The following ITGA1 variants were observed in gnomAD, a reference collection of about 807,000 sequenced individuals.
The protein encoded by ITGA1 is integrin alpha-1.
In ITGA1, 85 loss-of-function variants were observed where a neutral mutation model predicts 145.9. The observed-to-expected ratio is 0.58, with a 90% CI of 0.49 to 0.70. The LOEUF (loss-of-function observed/expected upper bound fraction) is 0.70. ITGA1 is among the 30% of genes least tolerant of loss of function. ITGA1 has a pLI of 0.00. For synonymous variants in ITGA1, 520 were observed against 495.3 expected (o/e 1.05, Z -0.66); for missense variants, 1,351 against 1,418.7 (o/e 0.95, Z 0.77).
chr5:52,829,486 C>T (rs1369897373), intron 1 of ITGA1, among the ~76,000 whole-genome samples: 6 of 152,064 alleles, frequency 3.9e-5, no homozygotes, highest in East Asian at 1.9e-4. Context: ...AAAAAATTCA[C>T]GGGATGCTCA....
chr5:52,917,039 G>A (rs1579719134), intron 15 of ITGA1, among the ~76,000 whole-genome samples: 1 of 152,146 alleles, frequency 6.6e-6, no homozygotes, highest in Non-Finnish European at 1.5e-5. Context: ...ACTGGGACAC[G>A]AAGACTAAGA....
At chr5:52,854,373 G>A (rs985884165) in intron 2 of ITGA1, among the ~76,000 whole-genome samples, 1 of 152,102 alleles carries the variant, frequency 6.6e-6, no homozygotes, top group Admixed American at 6.6e-5. Context: ...ATTTTACATT[G>A]CTTCTAACGC....
At chr5:52,925,207 C>T in intron 18 of ITGA1, 71 bp from the exon 19 acceptor site, 1 of 1,187,762 alleles carries the variant, frequency 8.4e-7, no homozygotes, top group Non-Finnish European at 1.2e-6. Flanking sequence ...ATTTTTGTTA[C>T]ACAAATTGAT....
chr5:52,926,481 A>G (rs1750812441), intron 19 of ITGA1, among the ~76,000 whole-genome samples: 1 of 143,560 alleles, frequency 7.0e-6, no homozygotes, highest in African/African-American at 2.7e-5. Flanking sequence ...ACACACCTGT[A>G]GTCCCAGCTA....
chr5:52,929,998 TA>T (rs1561252644), intron 21 of ITGA1, among the ~76,000 whole-genome samples: 1 of 152,182 alleles, frequency 6.6e-6, no homozygotes, highest in Non-Finnish European at 1.5e-5. Flanking sequence ...TTTAAATTCA[TA>T]AAAAATTTAC....
intron 26 of ITGA1, among the ~76,000 whole-genome samples, chr5:52,941,016 G>T (rs936849174): frequency 2.0e-5 from 3 of 152,098 alleles, no homozygotes; most frequent in African/African-American, 7.2e-5. Flanking sequence ...TCACTTATAC[G>T]TGAGAACATG....
chr5:52,809,384 G>T (rs1307774017), intron 1 of ITGA1, among the ~76,000 whole-genome samples: 1 of 152,068 alleles, frequency 6.6e-6, no homozygotes, highest in Admixed American at 6.6e-5. Flanking sequence ...TAGTGAGGAG[G>T]TATTCCCAGA....
At chr5:52,811,398 T>A (rs1379821712) in intron 1 of ITGA1, among the ~76,000 whole-genome samples, 1 of 152,204 alleles carries the variant, frequency 6.6e-6, no homozygotes, top group Non-Finnish European at 1.5e-5. Context: ...AATAATTGCT[T>A]GTTATTTTTG....
At chr5:52,800,951 A>T (rs770216010) in intron 1 of ITGA1, 1 of 1,614,210 alleles carries the variant, frequency 6.2e-7, no homozygotes, top group Non-Finnish European at 8.5e-7. Flanking sequence ...GAGCGGTTCT[A>T]TGAACAGGTG....
At chr5:52,846,114 A>G (rs1399173671) in intron 1 of ITGA1, among the ~76,000 whole-genome samples, 2 of 152,100 alleles carry the variant, frequency 1.3e-5, no homozygotes, top group African/African-American at 2.4e-5. Flanking sequence ...CGGAAGCACA[A>G]TGGCGGCCGG....
chr5:52,911,859 CTATA>C (rs1394968716), intron 14 of ITGA1, among the ~76,000 whole-genome samples: 1 of 129,976 alleles, frequency 7.7e-6, no homozygotes, highest in Admixed American at 8.2e-5. Context: ...TATACACACA[CTATA>C]TATAGTATAT....
chr5:52,914,507 G>A lies in ITGA1; in HGVS notation c.1858-957G>A, dbSNP rs531446136. Among the ~76,000 whole-genome samples the A allele has an allele frequency of 4.0e-5, 6 of 151,678 alleles. No homozygotes were observed. The South Asian group carries it at 6.2e-4, about 16-fold the overall frequency. ...AAAAATTAGCCGGGCATGGTGGCGC[G>A]CACCTGTAATCCCAGCTATTCGGGA... is the stretch of plus-strand genomic sequence containing the variant. On this transcript the variant is annotated intron_variant, in intron 14 of 28. Transcript: ENST00000282588.
chr5:52,806,122 C>CT (rs1461131167), intron 1 of ITGA1, among the ~76,000 whole-genome samples: 2 of 151,950 alleles, frequency 1.3e-5, no homozygotes, highest in African/African-American at 2.4e-5. Context: ...TTTATATACT[C>CT]TAAGAGATTC....
intron 6 of ITGA1, among the ~76,000 whole-genome samples, chr5:52,869,202 C>T (rs1749739162): frequency 1.3e-5 from 2 of 152,110 alleles, no homozygotes; most frequent in Non-Finnish European, 2.9e-5. Context: ...CTCTTGCTAC[C>T]CAGGCTGGAG....
chr5:52,810,763 G>A (rs920354227), intron 1 of ITGA1, among the ~76,000 whole-genome samples: 1 of 26,616 alleles, frequency 3.8e-5, no homozygotes, highest in Non-Finnish European at 9.3e-5. Flanking sequence ...ACTTAATAGA[G>A]CTTAATAAGT....
At chr5:52,946,571 G>A (rs1295140662) in intron 27 of ITGA1, among the ~76,000 whole-genome samples, 1 of 152,028 alleles carries the variant, frequency 6.6e-6, no homozygotes, top group African/African-American at 2.4e-5. Flanking sequence ...ACTGTTAAAG[G>A]CAAATACAGG....
chr5:52,947,502 A>G (rs1457517910), intron 28 of ITGA1, 41 bp downstream of exon 28: 1 of 1,107,506 alleles, frequency 9.0e-7, no homozygotes, highest in Admixed American at 1.7e-5. Flanking sequence ...TTCAATCATC[A>G]ACAGCAAACT....
intron 2 of ITGA1, among the ~76,000 whole-genome samples, chr5:52,854,551 G>A (rs1282284008): frequency 6.6e-6 from 1 of 152,036 alleles, no homozygotes; most frequent in Non-Finnish European, 1.5e-5. Flanking sequence ...AAAGAAATTG[G>A]CGAGCAGAAT....
rs1751322896 is a variant in ITGA1, at chr5:52,957,599, G to A, written c.*5148G>A. On this transcript the variant is annotated 3_prime_UTR_variant, in exon 29 of 29. Coordinates refer to ENST00000282588, the MANE Select transcript of ITGA1 (RefSeq NM_181501.2). ...AGTAGGAGCCAGAGCCAATTTGCAG[G>A]ATCTCTTTTCCTTCTGCCTTCCAGT... The A allele has an allele frequency of 6.6e-6, 1 of 152,190 alleles. No individual in the cohort carries two copies. Among genetic ancestry groups the A allele is most frequent in the African/African-American group, 2.4e-5 (1 of 41,420 alleles). 9.4% of individuals were successfully genotyped at this position (152,190 alleles called of 1,614,324 possible). A position where few individuals can be genotyped will look rare whatever the true frequency, so the allele number is the denominator to read the frequency against.
Sources: gnomAD v4.1 joint callset for allele counts (sites outside exome capture counted in the v4.1 genomes callset) on GRCh38, gnomAD v4.1.1 for gene constraint, MANE v1.5 for transcripts, NCBI Gene and HGNC (gene_info 2026-07-23, HGNC 2026-07-21) for gene names.